Variants in CELF2 observed in about 807,000 individuals in gnomAD.
CELF2 encodes CUGBP Elav-like family member 2, also known as CUG triplet repeat RNA-binding protein 2.
CELF2 carries 8 observed loss-of-function variants against 62.6 expected under a neutral mutation model. The ratio of observed to expected loss-of-function variants is 0.13; its 90% confidence interval spans 0.07 to 0.23. The LOEUF (loss-of-function observed/expected upper bound fraction) is 0.23, where lower values mean the gene tolerates loss of function less well. Ranked by LOEUF, CELF2 falls within the 10% of genes least tolerant of loss-of-function variation. The pLI is 1.00. For missense variants in CELF2, 333 were observed against 671.0 expected, an observed-to-expected ratio of 0.50 and a Z score of 5.56; for synonymous variants, 258 against 250.0, an observed-to-expected ratio of 1.03 and a Z score of -0.30.
intron 9 of CELF2, among the ~76,000 whole-genome samples, chr10:11,313,243 C>G (rs140407279): frequency 6.6e-6 from 1 of 152,324 alleles, no homozygotes; most frequent in East Asian, 1.9e-4. Context: ...ATTTCCAAAT[C>G]TATGCAAGTA....
chr10:11,126,901 C>CT (rs376986309), intron 1 of CELF2, among the ~76,000 whole-genome samples: 1,898 of 146,394 alleles, frequency 0.013, 37 homozygotes, highest in African/African-American at 0.044. Context: ...TCTTTATTGT[C>CT]TTTTTTTTTT....
chr10:11,203,538 C>T (rs940727983), intron 2 of CELF2, among the ~76,000 whole-genome samples: 8 of 152,190 alleles, frequency 5.3e-5, no homozygotes, highest in Admixed American at 3.9e-4. Context: ...GTCCACCTAA[C>T]TGGAATCAGG....
chr10:10,944,494 T>C (rs968176561), intron 2 of CELF2, among the ~76,000 whole-genome samples: 8 of 152,148 alleles, frequency 5.3e-5, no homozygotes, highest in South Asian at 2.1e-4. Context: ...TGAGCAAATA[T>C]AGGAACTTCA....
the CELF2 span, among the ~76,000 whole-genome samples, chr10:10,700,807 A>G: frequency 1.3e-5 from 2 of 152,170 alleles, no homozygotes; most frequent in South Asian, 2.1e-4. Flanking sequence ...GAAGATCTCT[A>G]TGTACATTTA....
intron 1 of CELF2, among the ~76,000 whole-genome samples, chr10:11,038,454 T>TA (rs376900935): frequency 6.6e-6 from 1 of 152,314 alleles, no homozygotes; most frequent in African/African-American, 2.4e-5. Flanking sequence ...AAGTTATTGA[T>TA]ACAGGTTGGT....
chr10:11,157,348 A>C lies in CELF2; in HGVS notation c.75-8138A>C, dbSNP rs1461943069. Among the ~76,000 whole-genome samples, 1 of 151,962 alleles carries C rather than the reference A, an allele frequency of 6.6e-6. No homozygotes were observed. The highest frequency in any genetic ancestry group is 1.5e-5 in the Non-Finnish European group (1 of 68,006). ...TCAATGCCATTGCCAACTAGGTGAA[A>C]TGGTATAGCCTGTTGTCTTTTGACT... On this transcript the variant is annotated intron_variant, in intron 1 of 12. Coordinates refer to ENST00000633077, the MANE Select transcript of CELF2 (RefSeq NM_001326342.2). The surrounding 1 kb of genome is among the most constrained non-coding windows in gnomAD (Gnocchi z 4.9).
the CELF2 span, among the ~76,000 whole-genome samples, chr10:10,485,551 G>C: frequency 2.0e-5 from 3 of 152,186 alleles, no homozygotes; most frequent in East Asian, 5.8e-4. Flanking sequence ...AGAAATGTGA[G>C]GAAAATGGTG....
the CELF2 span, among the ~76,000 whole-genome samples, chr10:10,692,422 T>A: frequency 2.0e-5 from 3 of 149,252 alleles, no homozygotes; most frequent in Admixed American, 1.3e-4. Context: ...CCTTGTAGTA[T>A]AGTTTGAAGT....
chr10:11,185,820 C>T (rs2074715995), intron 2 of CELF2, among the ~76,000 whole-genome samples: 1 of 152,146 alleles, frequency 6.6e-6, no homozygotes, highest in South Asian at 2.1e-4. Flanking sequence ...ACTTCTTTGG[C>T]TGGTTTTGGT....
chr10:10,637,810 C>T, the CELF2 span, among the ~76,000 whole-genome samples: 1 of 152,278 alleles, frequency 6.6e-6, no homozygotes, highest in East Asian at 1.9e-4. Flanking sequence ...TCCTTCTCAT[C>T]AAAATCTTAC....
rs2046429532 is a variant in CELF2, at chr10:10,936,690, GT to G, written c.89+16695del. The G allele has an allele frequency of 1.3e-5, 2 of 152,280 alleles. No homozygotes were observed. Among genetic ancestry groups the G allele is most frequent in the Middle Eastern group, 3.4e-3 (1 of 294 alleles). The allele number at this position is 152,280 out of a possible 1,614,324, so 9.4% of individuals were successfully genotyped here. On this transcript the variant is annotated intron_variant, in intron 2 of 13. Transcript: ENST00000636488. This position sits in a 1 kb window ranked among gnomAD's most constrained non-coding sequence, Gnocchi z 4.0. Reference sequence around the variant, plus strand: ...TGGGGACAAAATCTTCATTTCTAGCGTTTTCCACCATAACCTTGTTCTGGTG... The same window carrying G: ...TGGGGACAAAATCTTCATTTCTAGCGTTTCCACCATAACCTTGTTCTGGTG...
At chr10:10,503,450 T>C in the CELF2 span, among the ~76,000 whole-genome samples, 8 of 152,104 alleles carry the variant, frequency 5.3e-5, no homozygotes, top group East Asian at 1.4e-3. Flanking sequence ...TCTTGGTAGA[T>C]TGACCTTTTG....
the CELF2 span, among the ~76,000 whole-genome samples, chr10:10,516,010 A>T: frequency 6.6e-6 from 1 of 152,194 alleles, no homozygotes; most frequent in African/African-American, 2.4e-5. Flanking sequence ...GGGTGAGACT[A>T]TGTCAGTGTA....
At chr10:10,745,136 A>G in the CELF2 span, among the ~76,000 whole-genome samples, 2 of 151,776 alleles carry the variant, frequency 1.3e-5, no homozygotes, top group Non-Finnish European at 2.9e-5. Context: ...AACAAAACAA[A>G]AAAAAACTAT....
At chr10:10,589,953 T>G in the CELF2 span, among the ~76,000 whole-genome samples, 130 of 152,280 alleles carry the variant, frequency 8.5e-4, no homozygotes, top group African/African-American at 3.1e-3. Context: ...GATTCTAGGG[T>G]GCCTACCTCT....
At chr10:10,750,366 A>G in the CELF2 span, among the ~76,000 whole-genome samples, 2 of 152,310 alleles carry the variant, frequency 1.3e-5, no homozygotes, top group Admixed American at 1.3e-4. Flanking sequence ...TAGTTAGTGT[A>G]GTATTTGGTT....
the CELF2 span, among the ~76,000 whole-genome samples, chr10:10,542,641 G>C: frequency 1.3e-5 from 2 of 152,168 alleles, no homozygotes; most frequent in African/African-American, 4.8e-5. Context: ...TTAGTTGGAG[G>C]TACTATATTT....
chr10:10,576,027 T>C, the CELF2 span, among the ~76,000 whole-genome samples: 896 of 152,158 alleles, frequency 5.9e-3, 12 homozygotes, highest in African/African-American at 0.021. Flanking sequence ...ACATAAAAGG[T>C]TTTGCATTCA....
chr10:10,942,737 G>A (rs756576840), intron 2 of CELF2, among the ~76,000 whole-genome samples: 17 of 152,152 alleles, frequency 1.1e-4, no homozygotes, highest in African/African-American at 2.9e-4. Context: ...TGCTTTATAC[G>A]CAGACTTGAT....
Sources: allele counts gnomAD v4.1 joint callset (sites outside exome capture counted in the v4.1 genomes callset), GRCh38; gene constraint gnomAD v4.1.1; non-coding constraint Gnocchi (gnomAD v3.1); transcripts MANE v1.5; gene names NCBI Gene and HGNC (gene_info 2026-07-23, HGNC 2026-07-21).